Variants in ARL15 observed in about 807,000 individuals in gnomAD.
The protein encoded by ARL15 is ARF like GTPase 15.
In ARL15, 19 loss-of-function variants were observed where a neutral mutation model predicts 25.2. The observed-to-expected ratio is 0.75, with a 90% CI of 0.53 to 1.10. The LOEUF is 1.10. ARL15 is among the 50% of genes least tolerant of loss of function. ARL15 has a pLI of 0.00. For missense variants in ARL15, 220 were observed against 246.0 expected (o/e 0.89, Z 0.71); for synonymous variants, 94 against 86.8 (o/e 1.08, Z -0.46).
chr5:54,127,911 A>G (rs1243431073), intron 3 of ARL15, among the ~76,000 whole-genome samples: 1 of 152,034 alleles, frequency 6.6e-6, no homozygotes, highest in Non-Finnish European at 1.5e-5. Context: ...AAAAACAAGC[A>G]ATGGGGAAAG....
chr5:54,031,696 C>A (rs541353605), intron 4 of ARL15, among the ~76,000 whole-genome samples: 3 of 152,262 alleles, frequency 2.0e-5, no homozygotes, highest in East Asian at 1.9e-4. Flanking sequence ...CCATTCATGG[C>A]GAGAGTACTT....
intron 4 of ARL15, among the ~76,000 whole-genome samples, chr5:54,059,150 T>G (rs1750983030): frequency 6.6e-6 from 1 of 152,200 alleles, no homozygotes; most frequent in Non-Finnish European, 1.5e-5. Context: ...ATTGCTTTTT[T>G]TCTTCTATAG....
chr5:54,022,500 G>T (rs985386564), intron 4 of ARL15, among the ~76,000 whole-genome samples: 1 of 152,054 alleles, frequency 6.6e-6, no homozygotes, highest in Admixed American at 6.5e-5. Flanking sequence ...GAGAAGATTA[G>T]CTCACAGGAA....
intron 1 of ARL15, among the ~76,000 whole-genome samples, chr5:54,172,160 G>C (rs1425539291): frequency 6.6e-6 from 1 of 152,116 alleles, no homozygotes; most frequent in Non-Finnish European, 1.5e-5. Context: ...CTCCCTTCCT[G>C]CTATGGCAGG....
intron 4 of ARL15, among the ~76,000 whole-genome samples, chr5:54,034,875 G>A (rs1750121639): frequency 6.7e-6 from 1 of 149,870 alleles, no homozygotes; most frequent in Non-Finnish European, 1.5e-5. Flanking sequence ...TCATTGTGTT[G>A]ACAGGCCGGT....
chr5:54,276,500 T>G (rs149858785), intron 1 of ARL15, among the ~76,000 whole-genome samples: 20 of 152,320 alleles, frequency 1.3e-4, no homozygotes, highest in African/African-American at 4.3e-4. Flanking sequence ...GGTTTTCTTT[T>G]TTCTCTAGAA....
chr5:54,009,943 G>A (rs984673089), intron 4 of ARL15, among the ~76,000 whole-genome samples: 3 of 151,520 alleles, frequency 2.0e-5, no homozygotes, highest in Non-Finnish European at 4.4e-5. Context: ...GTGAGAGAAA[G>A]GGAGGAAAGG....
intron 4 of ARL15, among the ~76,000 whole-genome samples, chr5:54,020,630 C>T (rs1469578648): frequency 6.6e-6 from 1 of 151,960 alleles, no homozygotes; most frequent in Non-Finnish European, 1.5e-5. Context: ...CTTGTCATAC[C>T]AAGAACCAGA....
At chr5:53,942,434 C>T (rs1278946444) in intron 4 of ARL15, among the ~76,000 whole-genome samples, 2 of 152,096 alleles carry the variant, frequency 1.3e-5, no homozygotes, top group Non-Finnish European at 2.9e-5. Context: ...AGTTTATAGG[C>T]ATCATTGGTG....
At chr5:54,276,345 G>C (rs771784869) in intron 1 of ARL15, among the ~76,000 whole-genome samples, 2 of 152,140 alleles carry the variant, frequency 1.3e-5, no homozygotes, top group Non-Finnish European at 2.9e-5. Context: ...TCTCCAAATG[G>C]TCATATATTA....
intron 4 of ARL15, among the ~76,000 whole-genome samples, chr5:53,930,258 CT>C (rs1344597230): frequency 6.6e-6 from 1 of 152,106 alleles, no homozygotes; most frequent in Non-Finnish European, 1.5e-5. Context: ...ATTATTTTAT[CT>C]CTTAAATGTT....
intron 3 of ARL15, among the ~76,000 whole-genome samples, chr5:54,135,524 G>A (rs981341762): frequency 3.9e-5 from 6 of 152,188 alleles, no homozygotes; most frequent in African/African-American, 1.4e-4. Flanking sequence ...TTACTATCTA[G>A]GGGAGCTGTA....
At chr5:54,011,277 T>G (rs1308902116) in intron 4 of ARL15, among the ~76,000 whole-genome samples, 2 of 152,144 alleles carry the variant, frequency 1.3e-5, no homozygotes. Context: ...ACTGTAAAAT[T>G]TAAGTGTTTC....
chr5:54,190,141 C>T (rs1297004874), intron 1 of ARL15, among the ~76,000 whole-genome samples: 1 of 152,088 alleles, frequency 6.6e-6, no homozygotes, highest in Non-Finnish European at 1.5e-5. Flanking sequence ...CCTGTAATTC[C>T]AGCACTTTGG....
rs3846491 is a variant in ARL15 at position 54,186,281 on chromosome 5, G to A, written c.49-14353C>T. On this transcript the variant is annotated intron_variant, in intron 1 of 4. Transcript: ENST00000504924. ...AATACGGTGAGCAAAATGCTATCTC[G>A]CCTCACACATCAACACACGTGCCAG... Among the ~76,000 whole-genome samples, 6 of 152,256 alleles carry A rather than the reference G, an allele frequency of 3.9e-5. No homozygotes were observed. The East Asian group carries it at 9.7e-4, about 25-fold the overall frequency.
intron 3 of ARL15, among the ~76,000 whole-genome samples, chr5:54,143,721 T>A (rs934678430): frequency 1.3e-5 from 2 of 151,150 alleles, no homozygotes; most frequent in African/African-American, 4.9e-5. Flanking sequence ...CTTTATGCTT[T>A]AAAAAAAAAG....
At chr5:54,272,609 C>G (rs912930959) in intron 1 of ARL15, among the ~76,000 whole-genome samples, 8 of 152,048 alleles carry the variant, frequency 5.3e-5, no homozygotes, top group African/African-American at 1.9e-4. Flanking sequence ...GAAAAAAAGC[C>G]TCTCCACCTA....
chr5:53,947,952 A>T (rs1746804549), intron 4 of ARL15, among the ~76,000 whole-genome samples: 1 of 152,204 alleles, frequency 6.6e-6, no homozygotes, highest in Admixed American at 6.5e-5. Context: ...CCGTGAGTGC[A>T]TTACACTACA....
At chr5:54,297,220 C>G (rs1758489851) in intron 1 of ARL15, among the ~76,000 whole-genome samples, 2 of 152,366 alleles carry the variant, frequency 1.3e-5, no homozygotes, top group African/African-American at 4.8e-5. Flanking sequence ...GGACCCCCCT[C>G]AAGGGACTCA....
Sources: allele counts gnomAD v4.1 joint callset (sites outside exome capture counted in the v4.1 genomes callset), GRCh38; gene constraint gnomAD v4.1.1; transcripts MANE v1.5; gene names NCBI Gene and HGNC (gene_info 2026-07-23, HGNC 2026-07-21).